The following CLASP1 variants were observed in gnomAD, a reference collection of about 807,000 sequenced individuals.
The protein encoded by CLASP1 is CLIP-associating protein 1.
Under a neutral mutation model 192.3 loss-of-function variants are expected in CLASP1, and 38 were observed. The observed-to-expected ratio is 0.20, with a 90% CI of 0.15 to 0.26. The LOEUF (loss-of-function observed/expected upper bound fraction) is 0.26. Among genes scored for constraint, CLASP1 ranks in the 10% least tolerant of loss-of-function variants. CLASP1 has a pLI of 1.00. For missense variants in CLASP1, 1,433 were observed against 1,932.5 expected, an observed-to-expected ratio of 0.74 and a Z score of 4.85; for synonymous variants, 691 against 712.8, an observed-to-expected ratio of 0.97 and a Z score of 0.49.
chr2:121,549,422 A>G (rs760409426), intron 2 of CLASP1, among the ~76,000 whole-genome samples: 1 of 152,176 alleles, frequency 6.6e-6, no homozygotes, highest in Non-Finnish European at 1.5e-5. Flanking sequence ...CCAACACAAG[A>G]GCACCCAGAT....
Position 121,346,681 on chromosome 2 carries a change from C to T in CLASP1, c.4530+357G>A, listed in dbSNP as rs538469197. On this transcript the variant is annotated intron_variant, in intron 39 of 39. Transcript: ENST00000263710. ...TGCCACCACTGATGCCCATGAGGGACTCAGCTCTGATTCAGCAACTGCTAA... is the reference window on the plus strand; with the variant it reads ...TGCCACCACTGATGCCCATGAGGGATTCAGCTCTGATTCAGCAACTGCTAA... Among the ~76,000 whole-genome samples, 32 of 152,352 alleles carry T rather than the reference C, an allele frequency of 2.1e-4. No individual in the cohort carries two copies. In the South Asian group the frequency reaches 5.4e-3, roughly 26 times the overall value.
chr2:121,394,736 C>T (rs753731173), intron 30 of CLASP1, among the ~76,000 whole-genome samples: 9 of 151,930 alleles, frequency 5.9e-5, no homozygotes, highest in South Asian at 2.1e-4. Flanking sequence ...AAAAATTAGC[C>T]GGGCATGGTG....
chr2:121,351,335 A>G (rs989709320), intron 37 of CLASP1, among the ~76,000 whole-genome samples: 8 of 152,228 alleles, frequency 5.3e-5, no homozygotes, highest in African/African-American at 1.7e-4. Context: ...ACATGGCACC[A>G]TATGTAGACG....
chr2:121,592,127 T>A (rs975853285), intron 2 of CLASP1, among the ~76,000 whole-genome samples: 1 of 152,322 alleles, frequency 6.6e-6, no homozygotes, highest in South Asian at 2.1e-4. Context: ...AGCTGGTGAG[T>A]TCTGTCTATA....
chr2:121,626,839 CG>C (rs2068466053), intron 1 of CLASP1, among the ~76,000 whole-genome samples: 1 of 152,126 alleles, frequency 6.6e-6, no homozygotes, highest in African/African-American at 2.4e-5. Flanking sequence ...TTTAGACACA[CG>C]TATCATTTAG....
chr2:121,470,034 C>T, intron 8 of CLASP1, 74 bp from the exon 9 acceptor site: 1 of 1,173,766 alleles, frequency 8.5e-7, no homozygotes, highest in South Asian at 1.5e-5. Context: ...TACTTTTTCA[C>T]CTGATTATAA....
chr2:121,570,222 G>A (rs1392941456), intron 2 of CLASP1, among the ~76,000 whole-genome samples: 2 of 152,130 alleles, frequency 1.3e-5, no homozygotes, highest in African/African-American at 4.8e-5. Context: ...AGAGACAGGT[G>A]GCACAATCTT....
intron 8 of CLASP1, chr2:121,470,404 G>A: frequency 2.3e-6 from 1 of 439,438 alleles, no homozygotes; most frequent in South Asian, 1.6e-5. Flanking sequence ...ACTGTACTTG[G>A]TCACCTGGTA....
intron 23 of CLASP1, among the ~76,000 whole-genome samples, chr2:121,414,820 G>A (rs975372075): frequency 6.6e-6 from 1 of 152,148 alleles, no homozygotes; most frequent in Non-Finnish European, 1.5e-5. Flanking sequence ...GTCTCACTCT[G>A]TTGCCCAGGC....
chr2:121,440,605 T>C (rs1052983045), intron 19 of CLASP1, among the ~76,000 whole-genome samples: 20 of 152,214 alleles, frequency 1.3e-4, no homozygotes, highest in Non-Finnish European at 2.4e-4. Flanking sequence ...GGTGGGAGGA[T>C]ACTTGAGCCT....
In CLASP1 at chr2:121,482,121, T is replaced by G. The variant is rs867792075; in HGVS notation, c.713-12161A>C. The stretch of plus-strand genomic sequence containing the variant: ...GGCTTTAAATGTGTGCACATCCTAC[T>G]TAACTCAGGAATACCCTGGGCTACC... On this transcript the variant is annotated intron_variant, in intron 8 of 39. Transcript: ENST00000263710. Among the ~76,000 whole-genome samples the G allele has an allele frequency of 1.4e-4, 21 of 152,318 alleles. No individual in the cohort carries two copies. In the Middle Eastern group the frequency reaches 0.014, roughly 99 times the overall value.
chr2:121,488,030 T>C (rs1400799196), intron 8 of CLASP1, among the ~76,000 whole-genome samples: 1 of 152,192 alleles, frequency 6.6e-6, no homozygotes, highest in Non-Finnish European at 1.5e-5. Context: ...TTTGATTTTT[T>C]CAACCACTTC....
intron 6 of CLASP1, among the ~76,000 whole-genome samples, chr2:121,517,809 T>TATA (rs1292369495): frequency 7.3e-6 from 1 of 137,252 alleles, no homozygotes; most frequent in East Asian, 2.4e-4. Context: ...TGCAGTGAGC[T>TATA]ATAATCCTAC....
At chr2:121,359,652 T>C (rs1253674499) in intron 37 of CLASP1, among the ~76,000 whole-genome samples, 3 of 152,178 alleles carry the variant, frequency 2.0e-5, no homozygotes, top group Non-Finnish European at 4.4e-5. Context: ...GTAACTTCAT[T>C]AATGAGGCAC....
At chr2:121,599,218 A>C (rs1325213831) in intron 2 of CLASP1, among the ~76,000 whole-genome samples, 1 of 151,888 alleles carries the variant, frequency 6.6e-6, no homozygotes, top group African/African-American at 2.4e-5. Context: ...CCTGTTAAGA[A>C]AAGGAATAAC....
chr2:121,488,435 C>T (rs919029430), intron 8 of CLASP1, among the ~76,000 whole-genome samples: 1 of 152,190 alleles, frequency 6.6e-6, no homozygotes, highest in Non-Finnish European at 1.5e-5. Context: ...AGCCATGCTG[C>T]CAGTCCCAGG....
chr2:121,579,328 T>C (rs980689289), intron 2 of CLASP1, among the ~76,000 whole-genome samples: 7 of 152,230 alleles, frequency 4.6e-5, no homozygotes, highest in African/African-American at 1.4e-4. Flanking sequence ...TTGTTAAAAA[T>C]TGGTGTTTCA....
At chr2:121,585,553 CA>C (rs1189061425) in intron 2 of CLASP1, among the ~76,000 whole-genome samples, 2 of 151,928 alleles carry the variant, frequency 1.3e-5, no homozygotes, top group African/African-American at 2.4e-5. Context: ...TAGGAAAAAA[CA>C]AAAAACAGAT....
At chr2:121,467,521 T>C (rs1454401435) in intron 9 of CLASP1, among the ~76,000 whole-genome samples, 1 of 152,234 alleles carries the variant, frequency 6.6e-6, no homozygotes, top group Non-Finnish European at 1.5e-5. Context: ...TGTGAGATGG[T>C]ATCTCATTGT....
Sources: gnomAD v4.1 joint callset for allele counts (sites outside exome capture counted in the v4.1 genomes callset) on GRCh38, gnomAD v4.1.1 for gene constraint, MANE v1.5 for transcripts, NCBI Gene and HGNC (gene_info 2026-07-23, HGNC 2026-07-21) for gene names.